TENM3: variants seen among roughly 807,000 people sequenced by gnomAD.
TENM3 encodes teneurin transmembrane protein 3, also known as teneurin-3.
Under a neutral mutation model 255.1 loss-of-function variants are expected in TENM3, and 63 were observed. That is an observed-to-expected ratio of 0.25 (90% CI 0.20 to 0.30). The LOEUF is 0.30. Ranked by LOEUF, TENM3 falls within the 10% of genes least tolerant of loss-of-function variation. TENM3 has a pLI of 1.00. For synonymous variants in TENM3, 1,306 were observed against 1,322.3 expected (o/e 0.99, Z 0.27); for missense variants, 2,929 against 3,461.1 (o/e 0.85, Z 3.86).
At chr4:181,624,400 A>G in the TENM3 span, among the ~76,000 whole-genome samples, 3 of 152,316 alleles carry the variant, frequency 2.0e-5, no homozygotes, top group Admixed American at 2.0e-4. Flanking sequence ...TTAAAGAAGC[A>G]AGGAAGAGAT....
the TENM3 span, among the ~76,000 whole-genome samples, chr4:181,925,914 A>G: frequency 6.6e-6 from 1 of 152,194 alleles, no homozygotes; most frequent in African/African-American, 2.4e-5. Context: ...GATTCTAGAG[A>G]TTGGGAAAGA....
the TENM3 span, among the ~76,000 whole-genome samples, chr4:181,819,853 T>A: frequency 6.6e-6 from 1 of 152,132 alleles, no homozygotes; most frequent in Non-Finnish European, 1.5e-5. Context: ...TGGAGACCAG[T>A]ACCATTTCCT....
At chr4:182,107,141 A>G in the TENM3 span, among the ~76,000 whole-genome samples, 1 of 132,114 alleles carries the variant, frequency 7.6e-6, no homozygotes, top group Admixed American at 7.8e-5. Flanking sequence ...GAGTCTGGTG[A>G]AACAGAACAT....
chr4:181,504,270 G>A, the TENM3 span, among the ~76,000 whole-genome samples: 1 of 152,312 alleles, frequency 6.6e-6, no homozygotes, highest in East Asian at 1.9e-4. Context: ...TGTGGAATGA[G>A]CCTCCGCGTA....
chr4:181,964,385 T>C, the TENM3 span, among the ~76,000 whole-genome samples: 1 of 152,190 alleles, frequency 6.6e-6, no homozygotes, highest in African/African-American at 2.4e-5. Flanking sequence ...CAGCTACTTT[T>C]GTTTGTGTGT....
At chr4:182,630,401 T>C (rs901197719) in intron 5 of TENM3, among the ~76,000 whole-genome samples, 3 of 151,542 alleles carry the variant, frequency 2.0e-5, no homozygotes, top group Non-Finnish European at 4.4e-5. Context: ...TTTGTACCTG[T>C]CAGAAGTGTG....
chr4:182,595,303 G>A (rs115785289), intron 3 of TENM3, among the ~76,000 whole-genome samples: 1 of 151,932 alleles, frequency 6.6e-6, no homozygotes, highest in East Asian at 1.9e-4. Context: ...GGAACTGGGG[G>A]CCGGTAAGCT....
chr4:182,547,429 A>G (rs1201173051), intron 3 of TENM3, among the ~76,000 whole-genome samples: 1 of 152,192 alleles, frequency 6.6e-6, no homozygotes, highest in Non-Finnish European at 1.5e-5. Context: ...GTGAGCCTGT[A>G]TACTTTCACT....
At chr4:182,487,632 A>AC (rs1164018398) in intron 3 of TENM3, among the ~76,000 whole-genome samples, 2 of 152,148 alleles carry the variant, frequency 1.3e-5, no homozygotes, top group African/African-American at 2.4e-5. Flanking sequence ...GTGCAGTTTA[A>AC]TAAGTGCCCT....
intron 22 of TENM3, among the ~76,000 whole-genome samples, chr4:182,764,416 A>G (rs900037239): frequency 1.1e-4 from 16 of 152,232 alleles, no homozygotes; most frequent in African/African-American, 3.9e-4. Flanking sequence ...GTAAACAGTG[A>G]TAAGAATGGT....
chr4:181,721,636 G>C, the TENM3 span, among the ~76,000 whole-genome samples: 4 of 150,484 alleles, frequency 2.7e-5, no homozygotes, highest in Admixed American at 6.6e-5. Flanking sequence ...GAAGTGGAGT[G>C]GGTAGGGTAA....
chr4:181,757,591 C>G, the TENM3 span, among the ~76,000 whole-genome samples: 2 of 152,142 alleles, frequency 1.3e-5, no homozygotes, highest in Non-Finnish European at 2.9e-5. Context: ...GCATGCATTC[C>G]TACAGGCTTT....
upstream of TENM3, chr4:182,142,667 C>T (rs1279587471): frequency 3.0e-5 from 5 of 167,088 alleles, no homozygotes; most frequent in African/African-American, 1.2e-4. Flanking sequence ...GCGCACCAGT[C>T]TCCGCCACGC....
chr4:181,866,943 A>G, the TENM3 span, among the ~76,000 whole-genome samples: 7 of 151,576 alleles, frequency 4.6e-5, no homozygotes, highest in African/African-American at 7.3e-5. Flanking sequence ...TGCCTTAATG[A>G]TCACTTTTCT....
the TENM3 span, among the ~76,000 whole-genome samples, chr4:182,128,173 C>T: frequency 1.8e-4 from 28 of 151,852 alleles, no homozygotes; most frequent in Middle Eastern, 3.4e-3. Flanking sequence ...TGGAAAAAAA[C>T]GCAGAAACCC....
chr4:181,574,988 G>C, the TENM3 span, among the ~76,000 whole-genome samples: 2 of 152,062 alleles, frequency 1.3e-5, no homozygotes, highest in Admixed American at 1.3e-4. Flanking sequence ...GCATCGAATG[G>C]AATTTTGTTG....
intron 3 of TENM3, among the ~76,000 whole-genome samples, chr4:182,575,328 T>C (rs1744815034): frequency 6.6e-6 from 1 of 152,178 alleles, no homozygotes; most frequent in African/African-American, 2.4e-5. Context: ...AACGGGTTGG[T>C]AAACTTTTTC....
chr4:182,119,320 G>A, the TENM3 span, among the ~76,000 whole-genome samples: 1 of 152,126 alleles, frequency 6.6e-6, no homozygotes, highest in Admixed American at 6.5e-5. Flanking sequence ...TATACACCAG[G>A]AAGAACTGGT....
At chr4:182,060,604 T>C in the TENM3 span, among the ~76,000 whole-genome samples, 1 of 152,110 alleles carries the variant, frequency 6.6e-6, no homozygotes, top group Non-Finnish European at 1.5e-5. Context: ...AGCCCAGACA[T>C]TGAAGACCCC....
Sources: allele counts gnomAD v4.1 joint callset (sites outside exome capture counted in the v4.1 genomes callset), GRCh38; gene constraint gnomAD v4.1.1; transcripts MANE v1.5; gene names NCBI Gene and HGNC (gene_info 2026-07-23, HGNC 2026-07-21).